Variants in PTPRD observed in about 807,000 individuals in gnomAD.
PTPRD encodes receptor-type tyrosine-protein phosphatase delta.
PTPRD carries 34 observed loss-of-function variants against 214.5 expected under a neutral mutation model. The observed-to-expected ratio is 0.16, with a 90% CI of 0.12 to 0.21. PTPRD has a LOEUF of 0.21. PTPRD is among the 10% of genes least tolerant of loss of function. PTPRD has a pLI of 1.00. For synonymous variants in PTPRD, 1,128 were observed against 845.7 expected (o/e 1.33, Z -5.79); for missense variants, 2,545 against 2,398.7 (o/e 1.06, Z -1.27).
At chr9:10,252,898 C>G (rs2092917586) in intron 3 of PTPRD, among the ~76,000 whole-genome samples, 2 of 152,046 alleles carry the variant, frequency 1.3e-5, no homozygotes, top group African/African-American at 4.8e-5. Flanking sequence ...ATTTTTCTGC[C>G]TCAGCCTCCC....
intron 3 of PTPRD, among the ~76,000 whole-genome samples, chr9:10,130,414 T>A (rs965870865): frequency 5.9e-5 from 9 of 152,120 alleles, no homozygotes; most frequent in African/African-American, 2.2e-4. Flanking sequence ...ACCTATGTCA[T>A]ATTTGCCCTC....
intron 3 of PTPRD, among the ~76,000 whole-genome samples, chr9:10,261,134 T>C (rs2093676437): frequency 1.3e-5 from 2 of 149,906 alleles, no homozygotes; most frequent in African/African-American, 4.9e-5. Context: ...CTACAAGCCT[T>C]TGTTATTTAA....
chr9:10,114,479 G>A (rs144743488), intron 3 of PTPRD, among the ~76,000 whole-genome samples: 7 of 151,728 alleles, frequency 4.6e-5, no homozygotes, highest in East Asian at 3.9e-4. Context: ...ATACTCTCTC[G>A]CTCGCTCTCA....
intron 3 of PTPRD, among the ~76,000 whole-genome samples, chr9:10,091,169 T>C (rs2098425600): frequency 1.3e-5 from 2 of 151,500 alleles, no homozygotes; most frequent in South Asian, 4.2e-4. Context: ...AACTGGAATT[T>C]AGAAATTATC....
intron 12 of PTPRD, among the ~76,000 whole-genome samples, chr9:8,716,538 T>C (rs1240415210): frequency 6.6e-6 from 1 of 151,072 alleles, no homozygotes; most frequent in Non-Finnish European, 1.5e-5. Flanking sequence ...TACAAATTTC[T>C]AGAGGCCCTA....
At chr9:9,037,810 G>A (rs536356678) in intron 10 of PTPRD, among the ~76,000 whole-genome samples, 1 of 152,228 alleles carries the variant, frequency 6.6e-6, no homozygotes, top group South Asian at 2.1e-4. Flanking sequence ...CCAGATTGTT[G>A]GAGGGTCTTA....
intron 12 of PTPRD, among the ~76,000 whole-genome samples, chr9:8,673,634 T>C (rs957723016): frequency 4.6e-5 from 7 of 152,196 alleles, no homozygotes; most frequent in Non-Finnish European, 8.8e-5. Flanking sequence ...GTTTTTCTCT[T>C]TCTATATTTT....
intron 9 of PTPRD, among the ~76,000 whole-genome samples, chr9:9,267,313 T>C (rs553942266): frequency 7.3e-5 from 11 of 151,404 alleles, no homozygotes; most frequent in African/African-American, 2.7e-4. Flanking sequence ...CATAAATGGA[T>C]ATGTTCCTGG....
intron 8 of PTPRD, among the ~76,000 whole-genome samples, chr9:9,522,629 T>C (rs1430630765): frequency 6.6e-6 from 1 of 152,126 alleles, no homozygotes; most frequent in Non-Finnish European, 1.5e-5. Flanking sequence ...GGAAAAACCA[T>C]GCTCTCTGTT....
intron 8 of PTPRD, among the ~76,000 whole-genome samples, chr9:9,413,100 C>CTTCT (rs2075974025): frequency 1.6e-5 from 1 of 63,020 alleles, no homozygotes; most frequent in Non-Finnish European, 2.6e-5. Flanking sequence ...CTTGCAGCTT[C>CTTCT]TTTTTTTTTT....
chr9:10,126,985 C>CTAT (rs1056006413), intron 3 of PTPRD, among the ~76,000 whole-genome samples: 2 of 143,434 alleles, frequency 1.4e-5, no homozygotes, highest in African/African-American at 5.5e-5. Context: ...TGCACATGTG[C>CTAT]TATTACATTT....
At chr9:8,578,492 C>T (rs775406477) in intron 14 of PTPRD, among the ~76,000 whole-genome samples, 5 of 152,052 alleles carry the variant, frequency 3.3e-5, no homozygotes, top group Admixed American at 6.6e-5. Flanking sequence ...TTTGCAAACA[C>T]GTGAAACAAA....
intron 9 of PTPRD, among the ~76,000 whole-genome samples, chr9:9,357,770 C>T (rs2054393358): frequency 1.3e-5 from 2 of 150,426 alleles, no homozygotes; most frequent in Admixed American, 6.7e-5. Flanking sequence ...TTTAGGTTGA[C>T]CCTGTCTCAA....
chr9:9,425,635 A>C (rs2080570377), intron 8 of PTPRD, among the ~76,000 whole-genome samples: 2 of 151,638 alleles, frequency 1.3e-5, no homozygotes, highest in Middle Eastern at 3.2e-3. Flanking sequence ...GAAAAGAGTA[A>C]ACCATGCCAT....
chr9:10,018,854 T>A (rs2096783604), intron 4 of PTPRD, among the ~76,000 whole-genome samples: 1 of 150,728 alleles, frequency 6.6e-6, no homozygotes, highest in Non-Finnish European at 1.5e-5. Context: ...CGGCCAGAAT[T>A]ACATTTCTAA....
intron 5 of PTPRD, among the ~76,000 whole-genome samples, chr9:9,892,139 G>C (rs1165652686): frequency 6.6e-6 from 1 of 151,976 alleles, no homozygotes; most frequent in Non-Finnish European, 1.5e-5. Context: ...AAGTAAAAAA[G>C]TACAATTTAT....
intron 2 of PTPRD, among the ~76,000 whole-genome samples, chr9:10,610,483 C>G (rs1376214999): frequency 1.3e-5 from 2 of 151,116 alleles, no homozygotes; most frequent in African/African-American, 4.9e-5. Context: ...TAGGTACAAT[C>G]TTCCCCTTTA....
intron 39 of PTPRD, among the ~76,000 whole-genome samples, chr9:8,361,493 T>C (rs1313242639): frequency 6.6e-6 from 1 of 152,222 alleles, no homozygotes; most frequent in Non-Finnish European, 1.5e-5. Context: ...TATCAGATTA[T>C]AACAGCATAG....
At chr9:9,507,623 C>G (rs937609766) in intron 8 of PTPRD, among the ~76,000 whole-genome samples, 3 of 151,356 alleles carry the variant, frequency 2.0e-5, no homozygotes, top group African/African-American at 7.3e-5. Flanking sequence ...TTATTGCAAT[C>G]AGTCTTGTGA....
Sources: allele counts gnomAD v4.1 joint callset (sites outside exome capture counted in the v4.1 genomes callset), GRCh38; gene constraint gnomAD v4.1.1; transcripts MANE v1.5; gene names NCBI Gene and HGNC (gene_info 2026-07-23, HGNC 2026-07-21).